The following HDAC9 variants were observed in gnomAD, a reference collection of about 807,000 sequenced individuals.
HDAC9 encodes histone deacetylase 9.
Under a neutral mutation model 139.4 loss-of-function variants are expected in HDAC9, and 41 were observed. That is an observed-to-expected ratio of 0.29 (90% CI 0.23 to 0.38). The LOEUF is 0.38. Ranked by LOEUF, HDAC9 falls within the 10% of genes least tolerant of loss-of-function variation. The probability of loss-of-function intolerance (pLI) is 1.00; values close to 1 mark genes in which losing one functional copy is unlikely to be tolerated. For synonymous variants in HDAC9, 517 were observed against 476.2 expected (o/e 1.09, Z -1.12); for missense variants, 1,147 against 1,297.0 (o/e 0.88, Z 1.78).
At chr7:18,760,021 A>G (rs1287027066) in intron 14 of HDAC9, among the ~76,000 whole-genome samples, 4 of 152,220 alleles carry the variant, frequency 2.6e-5, no homozygotes, top group African/African-American at 4.8e-5. Flanking sequence ...ATAGTCATCA[A>G]AACATGGGTC....
intron 21 of HDAC9, among the ~76,000 whole-genome samples, chr7:18,844,981 C>T (rs1378628097): frequency 3.3e-5 from 5 of 152,006 alleles, no homozygotes; most frequent in Non-Finnish European, 5.9e-5. Context: ...AATATGACAC[C>T]GTCGTAGTAG....
intron 2 of HDAC9, among the ~76,000 whole-genome samples, chr7:18,576,865 A>G (rs559895220): frequency 3.1e-4 from 47 of 152,252 alleles, no homozygotes; most frequent in Non-Finnish European, 3.1e-4. Context: ...GGTGGAATAG[A>G]TGTTTAAGCT....
intron 2 of HDAC9, among the ~76,000 whole-genome samples, chr7:18,580,025 G>A (rs1325033376): frequency 6.6e-6 from 1 of 152,266 alleles, no homozygotes; most frequent in Middle Eastern, 3.4e-3. Flanking sequence ...AATTCTGTTT[G>A]TTATACTATG....
chr7:18,983,532 C>G (rs569056375), intron 25 of HDAC9, among the ~76,000 whole-genome samples: 15 of 152,110 alleles, frequency 9.9e-5, no homozygotes, highest in Non-Finnish European at 1.9e-4. Context: ...ATCTAAATCT[C>G]TATGAAATTT....
At chr7:18,521,445 C>A (rs1395327227) in intron 2 of HDAC9, among the ~76,000 whole-genome samples, 1 of 152,156 alleles carries the variant, frequency 6.6e-6, no homozygotes, top group Admixed American at 6.6e-5. Flanking sequence ...CAATATAGAT[C>A]ATTTACACAG....
chr7:18,257,116 G>GTA (rs138363032), intron 2 of HDAC9, among the ~76,000 whole-genome samples: 8 of 133,070 alleles, frequency 6.0e-5, no homozygotes, highest in African/African-American at 1.9e-4. Context: ...GTGTGTGCAT[G>GTA]TATGTGTGTG....
chr7:18,086,961 G>C (rs987770854), exon 1 of HDAC9: 1 of 145,530 alleles, frequency 6.9e-6, no homozygotes, highest in African/African-American at 2.5e-5. Context: ...AGCGCGCACC[G>C]AGCCGGCCGC....
At chr7:18,911,370 G>T (rs538755213) in intron 22 of HDAC9, among the ~76,000 whole-genome samples, 2 of 151,770 alleles carry the variant, frequency 1.3e-5, no homozygotes, top group African/African-American at 4.8e-5. Flanking sequence ...GGTGTCAGTT[G>T]TAATGTCTTC....
intron 1 of HDAC9, among the ~76,000 whole-genome samples, chr7:18,392,111 T>C (rs1226458863): frequency 6.6e-6 from 1 of 152,154 alleles, no homozygotes; most frequent in Non-Finnish European, 1.5e-5. Context: ...GTATTCTCAT[T>C]CTAGAATGAC....
intron 8 of HDAC9, among the ~76,000 whole-genome samples, chr7:18,641,500 G>T (rs778217360): frequency 3.9e-5 from 6 of 152,096 alleles, no homozygotes; most frequent in Non-Finnish European, 7.4e-5. Flanking sequence ...CTAAGACAGA[G>T]AAGTTACCCG....
chr7:18,880,031 T>C (rs568309203), intron 22 of HDAC9, among the ~76,000 whole-genome samples: 21 of 152,200 alleles, frequency 1.4e-4, no homozygotes, highest in African/African-American at 4.8e-4. Context: ...AGAAGACATA[T>C]ATGCAGCCAA....
upstream of HDAC9, among the ~76,000 whole-genome samples, chr7:18,493,018 T>C (rs1796481317): frequency 6.6e-6 from 1 of 151,974 alleles, no homozygotes; most frequent in African/African-American, 2.4e-5. Context: ...ATAAACCTCA[T>C]GTTAAATAAT....
intron 22 of HDAC9, chr7:18,899,182 T>G (rs2129278251): frequency 6.6e-6 from 1 of 152,188 alleles, no homozygotes; most frequent in South Asian, 2.1e-4. Flanking sequence ...ACAGCTAGAC[T>G]GTCGTCCCTA....
intron 16 of HDAC9, among the ~76,000 whole-genome samples, chr7:18,778,181 A>G (rs960565415): frequency 6.6e-6 from 1 of 152,040 alleles, no homozygotes; most frequent in Non-Finnish European, 1.5e-5. Flanking sequence ...AAGTGAGAAT[A>G]GCCCTAGCCG....
chr7:18,361,925 C>T (rs1050783300), intron 1 of HDAC9, among the ~76,000 whole-genome samples: 2 of 152,178 alleles, frequency 1.3e-5, no homozygotes, highest in African/African-American at 4.8e-5. Context: ...CTTATTTCTT[C>T]CCTTCTCTCC....
chr7:18,653,505 C>G (rs1790049084), intron 11 of HDAC9, among the ~76,000 whole-genome samples: 2 of 152,042 alleles, frequency 1.3e-5, no homozygotes, highest in African/African-American at 4.8e-5. Flanking sequence ...TAAAAACTTA[C>G]ATAAATCATG....
intron 25 of HDAC9, among the ~76,000 whole-genome samples, chr7:18,992,398 T>C (rs1445087553): frequency 6.6e-6 from 1 of 152,204 alleles, no homozygotes; most frequent in Non-Finnish European, 1.5e-5. Flanking sequence ...ATTATGCACA[T>C]GTGTATAAAG....
intron 1 of HDAC9, among the ~76,000 whole-genome samples, chr7:18,139,692 T>C (rs1436343873): frequency 6.6e-6 from 1 of 152,076 alleles, no homozygotes; most frequent in Admixed American, 6.6e-5. Context: ...ATTTTGCAAA[T>C]ATGGTTAAGG....
intron 1 of HDAC9, among the ~76,000 whole-genome samples, chr7:18,456,065 T>C (rs550746321): frequency 1.1e-4 from 17 of 152,318 alleles, no homozygotes; most frequent in African/African-American, 4.1e-4. Flanking sequence ...AGAAATGTAA[T>C]GACATATTAC....
Sources: allele counts gnomAD v4.1 joint callset (sites outside exome capture counted in the v4.1 genomes callset), GRCh38; gene constraint gnomAD v4.1.1; transcripts MANE v1.5; gene names NCBI Gene and HGNC (gene_info 2026-07-23, HGNC 2026-07-21).